The following WWC1 variants were observed in gnomAD, a reference collection of about 807,000 sequenced individuals.
WWC1 encodes WW and C2 domain containing 1.
WWC1 carries 55 observed loss-of-function variants against 138.4 expected under a neutral mutation model. That is an observed-to-expected ratio of 0.40 (90% CI 0.32 to 0.50). The LOEUF is 0.50. WWC1 is among the 20% of genes least tolerant of loss of function. The probability of loss-of-function intolerance (pLI) is 0.72; values close to 1 mark genes in which losing one functional copy is unlikely to be tolerated. For missense variants in WWC1, 1,226 were observed against 1,420.4 expected, an observed-to-expected ratio of 0.86 and a Z score of 2.20; for synonymous variants, 524 against 564.9, an observed-to-expected ratio of 0.93 and a Z score of 1.03.
At chr5:168,380,020 T>C (rs999114906) in intron 2 of WWC1, among the ~76,000 whole-genome samples, 5 of 152,222 alleles carry the variant, frequency 3.3e-5, no homozygotes, top group Admixed American at 6.5e-5. Context: ...TTTCATCAAA[T>C]TAAAATCTTT....
chr5:168,385,387 GAGCATAAGCTGGGCTCCC>G lies in WWC1; in HGVS notation c.409_426del (p.His137_Gln142del). On this transcript the variant is annotated inframe_deletion, in exon 3 of 23. Transcript: ENST00000265293. ...GTACCAGCAACTGCATGCCGTCTGG[GAGCATAAGCTGGGCTCCC>G]AGGTCAGCTGTGAGTACCTCCCACT... 1 of 1,613,890 alleles carries G rather than the reference GAGCATAAGCTGGGCTCCC, an allele frequency of 6.2e-7. No individual in the cohort carries two copies. Among genetic ancestry groups the G allele is most frequent in the Non-Finnish European group, 8.5e-7 (1 of 1,179,974 alleles).
At chr5:168,432,302 G>T in intron 15 of WWC1, among the ~76,000 whole-genome samples, 1 of 152,138 alleles carries the variant, frequency 6.6e-6, no homozygotes, top group Non-Finnish European at 1.5e-5. Context: ...CTCGTTTAGT[G>T]GGGCCATTGC....
At chr5:168,378,007 A>C (rs1777348663) in intron 2 of WWC1, among the ~76,000 whole-genome samples, 1 of 152,218 alleles carries the variant, frequency 6.6e-6, no homozygotes, top group Non-Finnish European at 1.5e-5. Flanking sequence ...TCCTAATATC[A>C]AAGACATGGC....
intron 1 of WWC1, among the ~76,000 whole-genome samples, chr5:168,301,072 G>A (rs897784036): frequency 9.9e-5 from 15 of 152,196 alleles, no homozygotes; most frequent in Admixed American, 6.5e-5. Flanking sequence ...AATCATGATT[G>A]TCTTTAAAGA....
At position 168,428,690 on chromosome 5, in the gene WWC1, C is replaced by T. The variant is rs748739257; in HGVS notation, c.1920-17C>T. 23 of 1,613,008 alleles carry T rather than the reference C, an allele frequency of 1.4e-5. No homozygotes were observed. The South Asian group carries it at 2.4e-4, about 17-fold the overall frequency. ...ACTGTAGGGAAGCCTAACTCCTCCT[C>T]CCCTGTTGCCTTTCAGACTGGGTGC... On this transcript the variant is annotated splice_polypyrimidine_tract_variant and intron_variant, in intron 12 of 22. Transcript: ENST00000265293.
At chr5:168,432,918 G>A (rs1337945893) in intron 15 of WWC1, among the ~76,000 whole-genome samples, 1 of 152,190 alleles carries the variant, frequency 6.6e-6, no homozygotes, top group African/African-American at 2.4e-5. Flanking sequence ...TGGAGGGCTC[G>A]CCCCTTTCTC....
intron 3 of WWC1, among the ~76,000 whole-genome samples, chr5:168,387,276 T>C (rs1454585218): frequency 1.3e-5 from 2 of 152,128 alleles, no homozygotes; most frequent in African/African-American, 4.8e-5. Context: ...CATTGAACTC[T>C]CCCCTAGTGT....
At chr5:168,441,570 A>G (rs2152871025) in intron 15 of WWC1, 112 bp from the exon 16 acceptor site, 1 of 1,078,164 alleles carries the variant, frequency 9.3e-7, no homozygotes, top group Non-Finnish European at 1.3e-6. Context: ...CGGGATGCCT[A>G]CCTCTCATCT....
At chr5:168,329,837 T>C (rs1195918726) in intron 1 of WWC1, among the ~76,000 whole-genome samples, 1 of 152,076 alleles carries the variant, frequency 6.6e-6, no homozygotes, top group Non-Finnish European at 1.5e-5. Flanking sequence ...TGGCTGGGCG[T>C]GGTGGCTTAC....
chr5:168,411,324 C>T (rs1393817267), intron 8 of WWC1, among the ~76,000 whole-genome samples: 2 of 152,120 alleles, frequency 1.3e-5, no homozygotes, highest in Non-Finnish European at 2.9e-5. Context: ...GCATCCATTC[C>T]TTCCTAGACT....
chr5:168,414,009 A>C (rs11134511), intron 8 of WWC1: 116,434 of 276,966 alleles, frequency 0.42, 29,775 homozygotes, highest in African/African-American at 0.78. Context: ...TTGTTATTCC[A>C]TTCAGAGAGA....
At position 168,410,304 on chromosome 5, in the gene WWC1, G is replaced by GGGA. The variant is rs1278015702; in HGVS notation, c.941+309_941+310insGGA. 5 of 340,042 alleles carry GGGA rather than the reference G, an allele frequency of 1.5e-5. No homozygotes were observed. The East Asian group carries it at 2.9e-4, about 20-fold the overall frequency. 21.1% of individuals were successfully genotyped at this position (340,042 alleles called of 1,614,324 possible). ...GCAACCGAGGCTTTCCCATGATCCT[G>GGGA]TAAGCATTTTGGTTTGAAGGAGTAC... On this transcript the variant is annotated intron_variant, in intron 8 of 22. Coordinates refer to ENST00000265293, the MANE Select transcript of WWC1 (RefSeq NM_015238.3).
Position 168,332,747 on chromosome 5 carries a change from C to T in WWC1, c.120-38677C>T, listed in dbSNP as rs182291302. Among the ~76,000 whole-genome samples, 125 of 151,896 alleles carry T rather than the reference C, an allele frequency of 8.2e-4. 1 individual carries two copies. The East Asian group carries it at 0.019, about 23-fold the overall frequency. On this transcript the variant is annotated intron_variant, in intron 1 of 22. Transcript: ENST00000265293. Reference sequence around the variant, plus strand: ...TTTTTGTGACAGGGTCTCACTCTGCCGCCCAGGCTGGAGTGCAGTGGCACA... The same window carrying T: ...TTTTTGTGACAGGGTCTCACTCTGCTGCCCAGGCTGGAGTGCAGTGGCACA...
At chr5:168,374,525 G>T (rs572787585) in intron 2 of WWC1, among the ~76,000 whole-genome samples, 1 of 152,292 alleles carries the variant, frequency 6.6e-6, no homozygotes, top group African/African-American at 2.4e-5. Context: ...TCAAGGGATA[G>T]CAAAGAGGCA....
intron 1 of WWC1, among the ~76,000 whole-genome samples, chr5:168,343,449 C>CTA (rs1432471624): frequency 4.6e-5 from 7 of 152,180 alleles, no homozygotes; most frequent in Non-Finnish European, 1.0e-4. Flanking sequence ...TGGCTGGACT[C>CTA]TAGGACATCC....
chr5:168,292,303 A>G lies in WWC1; in HGVS notation c.119+32A>G. ...CCCTGGAACCCTCCTCCGTGCCCCC[A>G]CACCCCCGCCTGGGCCCCCACCTGC... On this transcript the variant is annotated intron_variant, in intron 1 of 22. Transcript: ENST00000265293. This position sits in a 1 kb window ranked among gnomAD's most constrained non-coding sequence, Gnocchi z 4.4. 6.4e-7 allele frequency: 1 copy of G among 1,554,362 alleles called. No homozygotes were observed. The highest frequency in any genetic ancestry group is 8.7e-7 in the Non-Finnish European group (1 of 1,151,054).
chr5:168,322,930 AAAC>A (rs780929733), intron 1 of WWC1, among the ~76,000 whole-genome samples: 70 of 152,242 alleles, frequency 4.6e-4, no homozygotes, highest in Non-Finnish European at 8.8e-4. Flanking sequence ...GAAAGAAAGA[AAAC>A]AAAGTTCAGA....
chr5:168,423,951 T>G lies in WWC1; in HGVS notation c.1693T>G (p.Leu565Val). Residue 565 changes from leucine to valine, a missense_variant, in exon 11 of 23, where the codon TTG (leucine) becomes GTG (valine). By Grantham distance (32) the Leu-to-Val change is conservative. Coordinates refer to ENST00000265293, the MANE Select transcript of WWC1 (RefSeq NM_015238.3). Reference protein sequence around the residue: ...LLAGDAFLNSLEFEDPELSAT... With the variant: ...LLAGDAFLNSVEFEDPELSAT... The stretch of plus-strand genomic sequence containing the variant: ...GGCTGGTGATGCCTTCCTCAACTCC[T>G]TGGAGTTTGAAGACCCGGAGCTGAG... The G allele has an allele frequency of 1.2e-6, 2 of 1,614,022 alleles. No individual in the cohort carries two copies. The highest frequency in any genetic ancestry group is 1.7e-6 in the Non-Finnish European group (2 of 1,179,984).
chr5:168,339,851 T>C (rs1773845282), intron 1 of WWC1, among the ~76,000 whole-genome samples: 1 of 148,662 alleles, frequency 6.7e-6, no homozygotes, highest in East Asian at 2.0e-4. Flanking sequence ...CTTTCTTTCT[T>C]TCTCTCTTTC....
Sources: allele counts gnomAD v4.1 joint callset (sites outside exome capture counted in the v4.1 genomes callset), GRCh38; gene constraint gnomAD v4.1.1; non-coding constraint Gnocchi (gnomAD v3.1); transcripts MANE v1.5; gene names NCBI Gene and HGNC (gene_info 2026-07-23, HGNC 2026-07-21).